The following ZNF704 variants were observed in gnomAD, a reference collection of about 807,000 sequenced individuals.
ZNF704 encodes the protein zinc finger protein 704, also known as glucocorticoid induced gene 1.
A neutral mutation model predicts 44.7 loss-of-function variants in ZNF704; 10 were observed. The observed-to-expected ratio is 0.22, with a 90% CI of 0.14 to 0.38. ZNF704 has a LOEUF of 0.38. Among genes scored for constraint, ZNF704 ranks in the 10% least tolerant of loss-of-function variants. The pLI, the probability that ZNF704 is intolerant of heterozygous loss-of-function variation, is 1.00. For synonymous variants in ZNF704, 211 were observed against 207.6 expected (o/e 1.02, Z -0.14); for missense variants, 390 against 545.5 (o/e 0.71, Z 2.84).
At chr8:80,701,552 C>T (rs1818810208) in intron 2 of ZNF704, among the ~76,000 whole-genome samples, 1 of 152,150 alleles carries the variant, frequency 6.6e-6, no homozygotes, top group Admixed American at 6.5e-5. Context: ...CTCCTCTCTC[C>T]TGTTCCCACT....
rs972559140 is a variant in ZNF704, at chr8:80,874,342, C to T, written c.-22+229G>A. ...CGCCTCCGCCGCCGCCGCCGCCGCC[C>T]GGGAGCCGCGGGCCGCGCTGCGCTC... On this transcript the variant is annotated intron_variant, in intron 1 of 8. Transcript: ENST00000327835. The surrounding 1 kb of genome is among the most constrained non-coding windows in gnomAD (Gnocchi z 4.4). Among the ~76,000 whole-genome samples the T allele has an allele frequency of 6.9e-6, 1 of 144,962 alleles. No homozygotes were observed. The highest frequency in any genetic ancestry group is 1.5e-5 in the Non-Finnish European group (1 of 65,302).
chr8:80,875,278 TTTTA>T (rs1809341341), upstream of ZNF704, among the ~76,000 whole-genome samples: 1 of 152,016 alleles, frequency 6.6e-6, no homozygotes, highest in Non-Finnish European at 1.5e-5. Flanking sequence ...GTATTTCTTC[TTTTA>T]TTTATTTTAA....
In ZNF704 at chr8:80,728,688, G is replaced by A. The variant is rs539492829; in HGVS notation, c.222-35581C>T. Among the ~76,000 whole-genome samples, 28 of 152,272 alleles carry A rather than the reference G, an allele frequency of 1.8e-4. No homozygotes were observed. The South Asian group carries it at 5.8e-3, about 32-fold the overall frequency. On this transcript the variant is annotated intron_variant, in intron 2 of 8. Coordinates refer to ENST00000327835, the MANE Select transcript of ZNF704 (RefSeq NM_001033723.3). The stretch of plus-strand genomic sequence containing the variant: ...AGAGTAATTGGGTCTGGGGTTTGCA[G>A]CCAGGTCTGTTTATTTCTGAAGCAA...
chr8:80,830,360 T>G (rs1808449936), intron 1 of ZNF704, among the ~76,000 whole-genome samples: 1 of 152,196 alleles, frequency 6.6e-6, no homozygotes, highest in South Asian at 2.1e-4. Flanking sequence ...CTACATTAGC[T>G]TAACAGAAGA....
intron 4 of ZNF704, among the ~76,000 whole-genome samples, chr8:80,682,671 T>C (rs1818472671): frequency 6.6e-6 from 1 of 152,204 alleles, no homozygotes; most frequent in Admixed American, 6.5e-5. Context: ...AAGCACCCCC[T>C]TCTCTCCACA....
At chr8:80,859,862 A>G (rs1048699279) in intron 1 of ZNF704, among the ~76,000 whole-genome samples, 6 of 152,162 alleles carry the variant, frequency 3.9e-5, no homozygotes, top group Non-Finnish European at 8.8e-5. Context: ...ACCAGAATGA[A>G]AACAGTGAGA....
intron 2 of ZNF704, among the ~76,000 whole-genome samples, chr8:80,754,282 A>G (rs1370339025): frequency 6.6e-6 from 1 of 152,218 alleles, no homozygotes; most frequent in Admixed American, 6.5e-5. Flanking sequence ...CAGGACAGCC[A>G]TTTAGTGGTT....
chr8:80,855,243 T>C (rs1260187861), intron 1 of ZNF704, among the ~76,000 whole-genome samples: 1 of 152,184 alleles, frequency 6.6e-6, no homozygotes, highest in Non-Finnish European at 1.5e-5. Context: ...TGATTATTGA[T>C]ATATGTTCTT....
At chr8:80,777,881 C>CA (rs1310505808) in intron 2 of ZNF704, among the ~76,000 whole-genome samples, 18,736 of 91,338 alleles carry the variant, frequency 0.21, 1,821 homozygotes, top group African/African-American at 0.37. Flanking sequence ...TGCGACTCAA[C>CA]AAAAAAAAAA....
At chr8:80,790,842 A>G (rs1304275131) in intron 2 of ZNF704, among the ~76,000 whole-genome samples, 2 of 152,158 alleles carry the variant, frequency 1.3e-5, no homozygotes, top group African/African-American at 4.8e-5. Context: ...GCAAAGTGAG[A>G]AGAGGAAATG....
intron 7 of ZNF704, among the ~76,000 whole-genome samples, chr8:80,647,655 A>G (rs532252691): frequency 6.6e-6 from 1 of 152,158 alleles, no homozygotes; most frequent in Non-Finnish European, 1.5e-5. Flanking sequence ...TTAGAGGCAC[A>G]GCCTAGGACT....
rs1331423055 is a variant in ZNF704, at chr8:80,640,838, T to C, written c.*528A>G. 1 of 152,496 alleles carries C rather than the reference T, an allele frequency of 6.6e-6. No homozygotes were observed. The highest frequency in any genetic ancestry group is 1.5e-5 in the Non-Finnish European group (1 of 68,160). 9.4% of individuals were successfully genotyped at this position (152,496 alleles called of 1,614,324 possible). ...AGAAAAGATGCCCAGAGTGCTGCGCTGTCTTGCAACACATCCTGACATATA... is the reference window on the plus strand; with the variant it reads ...AGAAAAGATGCCCAGAGTGCTGCGCCGTCTTGCAACACATCCTGACATATA... On this transcript the variant is annotated 3_prime_UTR_variant, in exon 9 of 9. Coordinates refer to ENST00000327835, the MANE Select transcript of ZNF704 (RefSeq NM_001033723.3).
At chr8:80,817,467 C>T (rs73692146) in intron 2 of ZNF704, among the ~76,000 whole-genome samples, 7,475 of 152,274 alleles carry the variant, frequency 0.049, 583 homozygotes, top group African/African-American at 0.17. Context: ...CATCACTGCG[C>T]TCAGACTAGC....
chr8:80,881,300 C>A, the ZNF704 span, among the ~76,000 whole-genome samples: 75 of 152,278 alleles, frequency 4.9e-4, no homozygotes, highest in African/African-American at 1.7e-3. Context: ...AAAAAGAAGT[C>A]TTTGACGATG....
At chr8:80,836,537 G>C (rs1413262640) in intron 1 of ZNF704, among the ~76,000 whole-genome samples, 1 of 152,082 alleles carries the variant, frequency 6.6e-6, no homozygotes. Context: ...CAGCACTTTG[G>C]GAGGCTGAGG....
At chr8:80,746,027 T>G (rs537181935) in intron 2 of ZNF704, among the ~76,000 whole-genome samples, 1 of 152,218 alleles carries the variant, frequency 6.6e-6, no homozygotes, top group Non-Finnish European at 1.5e-5. Context: ...GTTGTGAAGA[T>G]TGTAAAATGG....
chr8:80,797,394 T>A (rs541947370), intron 2 of ZNF704, among the ~76,000 whole-genome samples: 7 of 152,342 alleles, frequency 4.6e-5, no homozygotes, highest in South Asian at 2.1e-4. Context: ...AAAAGTCTTC[T>A]GCCTGAGTCC....
chr8:80,806,672 G>GT (rs1807995844), intron 2 of ZNF704, among the ~76,000 whole-genome samples: 4 of 152,158 alleles, frequency 2.6e-5, no homozygotes, highest in African/African-American at 9.7e-5. Context: ...AGGACCAAAT[G>GT]GAGCTTCAAC....
At chr8:80,816,313 TA>T (rs1453987192) in intron 2 of ZNF704, among the ~76,000 whole-genome samples, 1 of 152,226 alleles carries the variant, frequency 6.6e-6, no homozygotes, top group Non-Finnish European at 1.5e-5. Context: ...AAATGGAATT[TA>T]AACATCCTTC....
Sources: gnomAD v4.1 joint callset for allele counts (sites outside exome capture counted in the v4.1 genomes callset) on GRCh38, gnomAD v4.1.1 for gene constraint, Gnocchi (gnomAD v3.1) non-coding constraint, MANE v1.5 for transcripts, NCBI Gene and HGNC (gene_info 2026-07-23, HGNC 2026-07-21) for gene names.